The following CDCP1 variants were observed in gnomAD, a reference collection of about 807,000 sequenced individuals.
CDCP1 encodes the protein CUB domain-containing protein 1.
Under a neutral mutation model 60.2 loss-of-function variants are expected in CDCP1, and 29 were observed. The observed-to-expected ratio is 0.48, with a 90% confidence interval of 0.36 to 0.66. CDCP1 has a LOEUF of 0.66. Among genes scored for constraint, CDCP1 ranks in the 30% least tolerant of loss-of-function variants. The pLI is 0.00. For missense variants in CDCP1, 876 were observed against 1,074.3 expected, an observed-to-expected ratio of 0.82 and a Z score of 2.58; for synonymous variants, 387 against 431.1, an observed-to-expected ratio of 0.90 and a Z score of 1.27.
At chr3:45,125,109 G>A (rs888465247) in intron 1 of CDCP1, among the ~76,000 whole-genome samples, 8 of 152,202 alleles carry the variant, frequency 5.3e-5, no homozygotes, top group African/African-American at 1.7e-4. Flanking sequence ...ATATGAGTGT[G>A]CCAACCAGGA....
intron 1 of CDCP1, among the ~76,000 whole-genome samples, chr3:45,127,986 C>T (rs201947947): frequency 6.2e-4 from 94 of 152,312 alleles, no homozygotes; most frequent in East Asian, 5.6e-3. Flanking sequence ...CCAACCCCAA[C>T]GGCAGGTGCA....
At position 45,086,033 on chromosome 3, in the gene CDCP1, T is replaced by C; in HGVS notation, c.2116A>G (p.Ile706Val). 1 of 1,614,194 alleles carries C rather than the reference T, an allele frequency of 6.2e-7. No homozygotes were observed. The highest frequency in any genetic ancestry group is 8.5e-7 in the Non-Finnish European group (1 of 1,180,016). Residue 706 changes from isoleucine to valine, a missense_variant, in exon 9 of 9, where the codon ATC (isoleucine) becomes GTC (valine). Transcript: ENST00000296129. ...KKTNKGPAVG[I>V]YNDNINTEMP... ...TCAGTATTGATGTTGTCATTGTAGATACCCACAGCGGGGCCCTTGTTTGTC... is the reference window on the plus strand; with the variant it reads ...TCAGTATTGATGTTGTCATTGTAGACACCCACAGCGGGGCCCTTGTTTGTC...
chr3:45,126,108 C>CTCTTTCTTTCTTTCTTTCTTTCTTTCTT (rs72581928), intron 1 of CDCP1, among the ~76,000 whole-genome samples: 3 of 110,008 alleles, frequency 2.7e-5, no homozygotes, highest in African/African-American at 3.7e-5. Flanking sequence ...TTGTCTCTCT[C>CTCTTTCTTTCTTTCTTTCTTTCTTTCTT]TCTTTCTTTC....
Position 45,091,331 on chromosome 3 carries a change from C to A in CDCP1, c.1835G>T (p.Arg612Leu). The change falls in exon 7 of 9, where the codon CGG (arginine) becomes CTG (leucine). Residue 612 changes from arginine (R) to leucine (L), a missense_variant. This residue lies in a region of CDCP1 where 726 missense variants were observed against 935.7 expected (regional missense o/e 0.78). Coordinates refer to ENST00000296129, the MANE Select transcript of CDCP1 (RefSeq NM_022842.5). This position sits in a 1 kb window ranked among gnomAD's most constrained non-coding sequence, Gnocchi z 4.8. ...GCTGAAGATCTCCTCAGCCCGGGTC[C>A]GCTGCTCCTGGATGATCATGAATGC... Reference protein sequence around the residue: ...GRAFMIIQEQRTRAEEIFSLD... With the variant: ...GRAFMIIQEQLTRAEEIFSLD... 2 of 1,614,132 alleles carry A rather than the reference C, an allele frequency of 1.2e-6. No individual in the cohort carries two copies. The highest frequency in any genetic ancestry group is 1.1e-5 in the South Asian group (1 of 91,078).
intron 1 of CDCP1, among the ~76,000 whole-genome samples, chr3:45,145,874 G>C (rs188222408): frequency 7.9e-5 from 12 of 152,156 alleles, no homozygotes; most frequent in African/African-American, 2.9e-4. Context: ...GCCTGGGATC[G>C]GCTACCGGGA....
intron 1 of CDCP1, among the ~76,000 whole-genome samples, chr3:45,139,877 G>C (rs1699254864): frequency 6.6e-6 from 1 of 152,200 alleles, no homozygotes; most frequent in Non-Finnish European, 1.5e-5. Flanking sequence ...GTGTCCAAGA[G>C]ATGCCGTGAG....
intron 1 of CDCP1, among the ~76,000 whole-genome samples, chr3:45,126,307 G>A (rs1466391561): frequency 3.4e-5 from 5 of 148,074 alleles, no homozygotes; most frequent in African/African-American, 1.0e-4. Context: ...GACAGAAACT[G>A]CCATTCTTAT....
chr3:45,107,197 T>C (rs1031158303), intron 4 of CDCP1, among the ~76,000 whole-genome samples: 5 of 152,044 alleles, frequency 3.3e-5, no homozygotes, highest in African/African-American at 9.7e-5. Flanking sequence ...GTGTTGTGTC[T>C]TTCTTTCCTT....
intron 2 of CDCP1, among the ~76,000 whole-genome samples, chr3:45,116,398 AG>A (rs1698790693): frequency 6.8e-6 from 1 of 147,656 alleles, no homozygotes; most frequent in Admixed American, 6.7e-5. Context: ...AGAGTTGAGG[AG>A]CCATAGTGTT....
rs1229210137 is a variant in CDCP1, at chr3:45,085,878, T to C, written c.2271A>G (p.Pro757=). The C allele has an allele frequency of 1.2e-6, 2 of 1,614,184 alleles. No individual in the cohort carries two copies. The part of the protein sequence containing the change: ...LQDSSGSFLQ[P]EVDTYRPFQG... ...GGAACGGCCGGTAGGTGTCCACCTC[T>C]GGCTGCAGGAAGGAGCCGCTGGAAT... Residue 757 remains proline (P), a synonymous_variant, in exon 9 of 9, where the codon CCA becomes CCG. Transcript: ENST00000296129. The surrounding 1 kb of genome is among the most constrained non-coding windows in gnomAD (Gnocchi z 4.2).
chr3:45,089,124 T>A lies in CDCP1; in HGVS notation c.2011A>T (p.Ile671Phe). The change falls in exon 8 of 9, where the codon ATC (isoleucine) becomes TTC (phenylalanine). Residue 671 changes from isoleucine (I) to phenylalanine (F), a missense_variant. By Grantham distance (21) the Ile-to-Phe change is conservative. This residue lies in a region of CDCP1 where 726 missense variants were observed against 935.7 expected (regional missense o/e 0.78). Coordinates refer to ENST00000296129, the MANE Select transcript of CDCP1 (RefSeq NM_022842.5). The part of the protein sequence containing the change: ...PRTVDLTVIL[I>F]AAVGGGVLLL... Reference sequence around the variant, plus strand: ...AAGACTCCACCTCCCACCGCTGCGATGAGGATGACAGTCAAGTCTGTGAGC... The same window carrying A: ...AAGACTCCACCTCCCACCGCTGCGAAGAGGATGACAGTCAAGTCTGTGAGC... The A allele has an allele frequency of 6.2e-7, 1 of 1,613,920 alleles. No individual in the cohort carries two copies. Among genetic ancestry groups the A allele is most frequent in the Non-Finnish European group, 8.5e-7 (1 of 1,179,932 alleles).
At chr3:45,087,731 A>AT (rs148526901) in intron 8 of CDCP1, among the ~76,000 whole-genome samples, 1 of 152,128 alleles carries the variant, frequency 6.6e-6, no homozygotes, top group Non-Finnish European at 1.5e-5. Flanking sequence ...TTAAAAAAGA[A>AT]TTTTTTGGCT....
intron 2 of CDCP1, among the ~76,000 whole-genome samples, chr3:45,116,591 C>G (rs187848520): frequency 3.3e-5 from 5 of 152,308 alleles, no homozygotes; most frequent in Admixed American, 2.0e-4. Flanking sequence ...TGATACAAAC[C>G]TCCTGGCTCA....
intron 4 of CDCP1, among the ~76,000 whole-genome samples, chr3:45,098,868 G>A (rs900191201): frequency 1.3e-5 from 2 of 151,968 alleles, no homozygotes; most frequent in Non-Finnish European, 2.9e-5. Context: ...TAGTTTCTAT[G>A]TACTTATCAA....
rs2125987979 is a variant in CDCP1, at chr3:45,086,040, A to G, written c.2109T>C (p.Ala703=). ...TGATGTTGTCATTGTAGATACCCAC[A>G]GCGGGGCCCTTGTTTGTCTTCTTTT... ...KKKKKTNKGP[A]VGIYNDNINT... The change falls in exon 9 of 9, where the codon GCT becomes GCC. Residue 703 remains alanine (A), a synonymous_variant. Transcript: ENST00000296129. The G allele has an allele frequency of 6.2e-7, 1 of 1,614,042 alleles. No individual in the cohort carries two copies.
rs374118522 is a variant in CDCP1 at position 45,112,285 on chromosome 3, C to A, written c.453G>T (p.Pro151=). Residue 151 remains proline, a synonymous_variant, in exon 3 of 9, where the codon CCG becomes CCT. Transcript: ENST00000296129. ...FSIPRLRQIG[P]GESCPDGVTH... is the part of the protein sequence containing the mutation. ...TGACTCCGTCTGGGCAGCTCTCACCCGGACCGATCTGCCTCAGGCGAGGGA... is the reference window on the plus strand; with the variant it reads ...TGACTCCGTCTGGGCAGCTCTCACCAGGACCGATCTGCCTCAGGCGAGGGA... The A allele has an allele frequency of 3.1e-6, 5 of 1,614,090 alleles. No homozygotes were observed. The highest frequency in any genetic ancestry group is 1.1e-5 in the South Asian group (1 of 91,078).
At chr3:45,110,169 A>G (rs1400204649) in intron 4 of CDCP1, 1 of 1,205,524 alleles carries the variant, frequency 8.3e-7, no homozygotes, top group Non-Finnish European at 1.0e-6. Flanking sequence ...CCTCATTCAC[A>G]TTGCAGGGTC....
Position 45,108,798 on chromosome 3 carries a change from T to C in CDCP1, c.1024+1675A>G, listed in dbSNP as rs190514234. On this transcript the variant is annotated intron_variant, in intron 4 of 8. Transcript: ENST00000296129. ...ATGTATACATATATATGCATGTATA[T>C]ATATATATGCATGTATACATATATA... 1.9e-4 allele frequency among the ~76,000 whole-genome samples: 12 copies of C among 62,796 alleles called. 3 individuals are homozygous for C. The highest frequency in any genetic ancestry group is 2.5e-4 in the Non-Finnish European group (7 of 27,682). 41.2% of individuals were successfully genotyped at this position (62,796 alleles called of 152,430 possible).
At chr3:45,126,108 C>CTCTTTCTTTCCTTCTTTCTTTCCT (rs1553610966) in intron 1 of CDCP1, among the ~76,000 whole-genome samples, 3 of 110,010 alleles carry the variant, frequency 2.7e-5, no homozygotes, top group Non-Finnish European at 5.6e-5. Context: ...TTGTCTCTCT[C>CTCTTTCTTTCCTTCTTTCTTTCCT]TCTTTCTTTC....
Sources: gnomAD v4.1 joint callset for allele counts (sites outside exome capture counted in the v4.1 genomes callset) on GRCh38, gnomAD v4.1.1 for gene constraint, gnomAD v4.1.1 regional missense constraint, Gnocchi (gnomAD v3.1) non-coding constraint, MANE v1.5 for transcripts, NCBI Gene and HGNC (gene_info 2026-07-23, HGNC 2026-07-21) for gene names.